USP15: variants seen among roughly 807,000 people sequenced by gnomAD.
USP15 encodes the protein ubiquitin specific peptidase 15, also known as ubiquitin carboxyl-terminal hydrolase 15.
A neutral mutation model predicts 127.1 loss-of-function variants in USP15; 18 were observed. The observed-to-expected ratio is 0.14, with a 90% CI of 0.10 to 0.21. The LOEUF is 0.21. USP15 is among the 10% of genes least tolerant of loss of function. USP15 has a pLI of 1.00. For synonymous variants in USP15, 364 were observed against 393.7 expected (o/e 0.92, Z 0.89); for missense variants, 805 against 1,159.9 (o/e 0.69, Z 4.44).
In USP15 at chr12:62,406,914, G is replaced by T. The variant is rs543902266; in HGVS notation, c.*2539G>T. 1 of 150,994 alleles carries T rather than the reference G, an allele frequency of 6.6e-6. No individual in the cohort carries two copies. Among genetic ancestry groups the T allele is most frequent in the Non-Finnish European group, 1.5e-5 (1 of 67,956 alleles). The allele number at this position is 150,994 out of a possible 1,614,324, so 9.4% of individuals were successfully genotyped here. A position where few individuals can be genotyped will look rare whatever the true frequency, so the allele number is the denominator to read the frequency against. On this transcript the variant is annotated 3_prime_UTR_variant, in exon 22 of 22. Coordinates refer to ENST00000280377, the MANE Select transcript of USP15 (RefSeq NM_001252078.2). Reference sequence around the variant, plus strand: ...CAGGCAGTCAAGGCCGCAGTTAGCCGAAATCACACCCCTGCACTCCAGCCT... The same window carrying T: ...CAGGCAGTCAAGGCCGCAGTTAGCCTAAATCACACCCCTGCACTCCAGCCT...
chr12:62,382,619 T>C (rs1307958946), intron 9 of USP15, among the ~76,000 whole-genome samples: 1 of 151,906 alleles, frequency 6.6e-6, no homozygotes, highest in Non-Finnish European at 1.5e-5. Flanking sequence ...AATAGGTTCT[T>C]TATGTGTGAC....
chr12:62,355,260 C>A, intron 7 of USP15, 71 bp from the exon 8 acceptor site: 2 of 1,298,688 alleles, frequency 1.5e-6, no homozygotes, highest in Non-Finnish European at 2.1e-6. Flanking sequence ...CATAAATAGG[C>A]CTAAAGTACT....
At position 62,409,782 on chromosome 12, in the gene USP15, T is replaced by C. The variant is rs930010222; in HGVS notation, c.*5407T>C. ...TCAGTAATGACACATACTTAACATT[T>C]CCCAAGCTGTTGTTTTAAACCTTAA... On this transcript the variant is annotated 3_prime_UTR_variant, in exon 22 of 22. Transcript: ENST00000280377. 1 of 152,162 alleles carries C rather than the reference T, an allele frequency of 6.6e-6. No homozygotes were observed. Among genetic ancestry groups the C allele is most frequent in the Non-Finnish European group, 1.5e-5 (1 of 68,004 alleles). 9.4% of individuals were successfully genotyped at this position (152,162 alleles called of 1,614,324 possible).
At chr12:62,280,109 G>A (rs1208538946) in intron 1 of USP15, among the ~76,000 whole-genome samples, 3 of 152,110 alleles carry the variant, frequency 2.0e-5, no homozygotes, top group Non-Finnish European at 2.9e-5. Context: ...TATGCACATG[G>A]CTCAAGAGTA....
chr12:62,306,959 G>T (rs757741572), intron 3 of USP15, among the ~76,000 whole-genome samples: 1 of 152,078 alleles, frequency 6.6e-6, no homozygotes, highest in Non-Finnish European at 1.5e-5. Context: ...AATATTAAGG[G>T]TGTCTTCTCA....
intron 11 of USP15, among the ~76,000 whole-genome samples, chr12:62,387,161 A>G (rs760448748): frequency 6.6e-6 from 1 of 152,202 alleles, no homozygotes; most frequent in Non-Finnish European, 1.5e-5. Flanking sequence ...GATATCCAGT[A>G]GGCATTGAAT....
chr12:62,402,523 A>G (rs1175769351), intron 21 of USP15, among the ~76,000 whole-genome samples: 1 of 152,056 alleles, frequency 6.6e-6, no homozygotes, highest in Non-Finnish European at 1.5e-5. Context: ...GTCTAGTAAA[A>G]ATAAGAGTAA....
chr12:62,315,340 A>C (rs1228221140), intron 4 of USP15, among the ~76,000 whole-genome samples: 2 of 152,050 alleles, frequency 1.3e-5, no homozygotes, highest in East Asian at 3.8e-4. Context: ...TTATTTTGAC[A>C]CATTGATTTT....
At chr12:62,285,214 T>G (rs1346112107) in intron 1 of USP15, among the ~76,000 whole-genome samples, 1 of 152,140 alleles carries the variant, frequency 6.6e-6, no homozygotes, top group Admixed American at 6.5e-5. Context: ...CTGAATAGTG[T>G]ATATTGTACT....
chr12:62,318,197 A>G (rs1385572035), intron 4 of USP15, among the ~76,000 whole-genome samples: 1 of 152,174 alleles, frequency 6.6e-6, no homozygotes, highest in Non-Finnish European at 1.5e-5. Flanking sequence ...GGCTGTTGTT[A>G]TCTGTAACTG....
intron 2 of USP15, 77 bp from the exon 3 acceptor site, chr12:62,302,713 C>A: frequency 7.0e-7 from 1 of 1,431,002 alleles, no homozygotes; most frequent in African/African-American, 1.4e-5. Context: ...CTTAAATTAG[C>A]CTTCATGAGT....
intron 1 of USP15, among the ~76,000 whole-genome samples, chr12:62,272,551 C>T: frequency 6.6e-6 from 1 of 152,096 alleles, no homozygotes; most frequent in African/African-American, 2.4e-5. Flanking sequence ...GTATCTGGAA[C>T]TATTTCTTAA....
intron 19 of USP15, among the ~76,000 whole-genome samples, chr12:62,395,315 C>A (rs1410239547): frequency 6.6e-6 from 1 of 152,070 alleles, no homozygotes; most frequent in Non-Finnish European, 1.5e-5. Context: ...AATGTGTTAG[C>A]ATGAAAACGT....
intron 8 of USP15, among the ~76,000 whole-genome samples, chr12:62,367,904 G>A (rs572600023): frequency 3.7e-4 from 57 of 152,126 alleles, no homozygotes; most frequent in Non-Finnish European, 6.8e-4. Flanking sequence ...TGTGATGTTA[G>A]GGTGTCAATT....
chr12:62,403,707 A>G (rs773806219), intron 21 of USP15, among the ~76,000 whole-genome samples: 33 of 152,014 alleles, frequency 2.2e-4, no homozygotes, highest in Admixed American at 3.9e-4. Context: ...GTATTTTTTA[A>G]TGCCAAAGAG....
chr12:62,370,035 C>T (rs1020715947), intron 8 of USP15, among the ~76,000 whole-genome samples: 8 of 152,122 alleles, frequency 5.3e-5, no homozygotes, highest in East Asian at 1.9e-4. Flanking sequence ...AGTGCAGTAG[C>T]GCAATCTCAG....
intron 1 of USP15, among the ~76,000 whole-genome samples, chr12:62,278,949 A>G (rs996095589): frequency 6.6e-6 from 1 of 152,176 alleles, no homozygotes; most frequent in African/African-American, 2.4e-5. Context: ...ACACCATTAT[A>G]AAGTCCAAAA....
chr12:62,390,507 T>C (rs2137614552), intron 14 of USP15, among the ~76,000 whole-genome samples: 1 of 152,234 alleles, frequency 6.6e-6, no homozygotes, highest in East Asian at 1.9e-4. Flanking sequence ...TAGTATTCTT[T>C]CTTGCATATC....
chr12:62,294,674 A>C lies in USP15; in HGVS notation c.217+368A>C, dbSNP rs182960705. Reference sequence around the variant, plus strand: ...TAATTAAACACTGATTATTTTGAGAAATGCTATGTCACATATTGTTTTTCC... The same window carrying C: ...TAATTAAACACTGATTATTTTGAGACATGCTATGTCACATATTGTTTTTCC... On this transcript the variant is annotated intron_variant, in intron 2 of 21. Coordinates refer to ENST00000280377, the MANE Select transcript of USP15 (RefSeq NM_001252078.2). 226 of 162,380 alleles carry C rather than the reference A, an allele frequency of 1.4e-3. 2 individuals carry two copies. Among genetic ancestry groups the C allele is most frequent in the African/African-American group, 5.1e-3 (214 of 41,628 alleles). The allele number at this position is 162,380 out of a possible 1,614,324, so 10.1% of individuals were successfully genotyped here.
Sources: gnomAD v4.1 joint callset for allele counts (sites outside exome capture counted in the v4.1 genomes callset) on GRCh38, gnomAD v4.1.1 for gene constraint, MANE v1.5 for transcripts, NCBI Gene and HGNC (gene_info 2026-07-23, HGNC 2026-07-21) for gene names.